KCNH7: variants seen among roughly 807,000 people sequenced by gnomAD.
KCNH7 encodes potassium voltage-gated channel subfamily H member 7.
In KCNH7, 49 loss-of-function variants were observed where a neutral mutation model predicts 120.8. The ratio of observed to expected loss-of-function variants is 0.41; its 90% CI spans 0.32 to 0.51. The LOEUF (loss-of-function observed/expected upper bound fraction) is 0.51. Ranked by LOEUF, KCNH7 falls within the 20% of genes least tolerant of loss-of-function variation. The pLI, the probability that KCNH7 is intolerant of heterozygous loss-of-function variation, is 0.38. For missense variants in KCNH7, 1,097 were observed against 1,446.6 expected (o/e 0.76, Z 3.92); for synonymous variants, 547 against 516.1 (o/e 1.06, Z -0.81).
chr2:162,572,610 C>T (rs538209601), intron 2 of KCNH7, among the ~76,000 whole-genome samples: 121 of 109,776 alleles, frequency 1.1e-3, no homozygotes, highest in Non-Finnish European at 1.5e-3. Context: ...ATGTTTATTG[C>T]GGCATTATTC....
intron 2 of KCNH7, among the ~76,000 whole-genome samples, chr2:162,622,576 T>C (rs368940999): frequency 2.0e-5 from 3 of 152,244 alleles, no homozygotes; most frequent in South Asian, 2.1e-4. Flanking sequence ...TTGTCCTTTA[T>C]TGGGGATGGG....
chr2:162,609,544 C>T (rs1351403347), intron 2 of KCNH7, among the ~76,000 whole-genome samples: 4 of 152,026 alleles, frequency 2.6e-5, no homozygotes, highest in Non-Finnish European at 4.4e-5. Context: ...TTTAGTCTAA[C>T]CTTTTTATTG....
intron 2 of KCNH7, among the ~76,000 whole-genome samples, chr2:162,714,386 AC>A (rs975893613): frequency 6.6e-6 from 1 of 152,162 alleles, no homozygotes; most frequent in Non-Finnish European, 1.5e-5. Flanking sequence ...AAATATTAAA[AC>A]AAAAGAGCCG....
At chr2:162,464,002 C>T (rs1034078070) in intron 6 of KCNH7, among the ~76,000 whole-genome samples, 2 of 151,810 alleles carry the variant, frequency 1.3e-5, no homozygotes, top group African/African-American at 4.8e-5. Context: ...AAGAGCTATC[C>T]CTAAATGTTG....
intron 5 of KCNH7, among the ~76,000 whole-genome samples, chr2:162,512,043 T>C (rs1691097294): frequency 6.6e-6 from 1 of 151,764 alleles, no homozygotes; most frequent in Non-Finnish European, 1.5e-5. Flanking sequence ...ATCCAGAGTA[T>C]TCCCAGTTAA....
chr2:162,772,348 C>A (rs1242917295), intron 2 of KCNH7, among the ~76,000 whole-genome samples: 1 of 152,160 alleles, frequency 6.6e-6, no homozygotes, highest in African/African-American at 2.4e-5. Context: ...CCTGTACCCT[C>A]TAAAATGTAT....
intron 2 of KCNH7, among the ~76,000 whole-genome samples, chr2:162,624,886 T>C (rs928267101): frequency 4.9e-5 from 7 of 142,238 alleles, no homozygotes; most frequent in African/African-American, 1.8e-4. Context: ...ACGTGCACTC[T>C]TGGTTTTTTT....
intron 2 of KCNH7, among the ~76,000 whole-genome samples, chr2:162,789,544 C>T (rs1683845973): frequency 6.6e-6 from 1 of 151,876 alleles, no homozygotes; most frequent in South Asian, 2.1e-4. Flanking sequence ...TCCATTCAAC[C>T]ACAGCGGAAT....
intron 3 of KCNH7, among the ~76,000 whole-genome samples, chr2:162,520,711 G>A (rs1691492744): frequency 6.6e-6 from 1 of 151,890 alleles, no homozygotes; most frequent in Admixed American, 6.6e-5. Flanking sequence ...TGAGGCTACA[G>A]TTAGCTATGA....
chr2:162,831,138 G>T (rs1685463223), intron 2 of KCNH7, among the ~76,000 whole-genome samples: 1 of 152,118 alleles, frequency 6.6e-6, no homozygotes, highest in African/African-American at 2.4e-5. Context: ...GTGCAATTTG[G>T]CAAATTATTC....
chr2:162,637,528 G>A (rs572694592), intron 2 of KCNH7, among the ~76,000 whole-genome samples: 13 of 152,036 alleles, frequency 8.6e-5, no homozygotes, highest in Non-Finnish European at 1.3e-4. Flanking sequence ...GAGCTGTATC[G>A]TACATCATGG....
intron 2 of KCNH7, among the ~76,000 whole-genome samples, chr2:162,692,398 T>C (rs1315724664): frequency 6.6e-6 from 1 of 152,068 alleles, no homozygotes; most frequent in Non-Finnish European, 1.5e-5. Flanking sequence ...ATACCAGACT[T>C]CTCTGAATAA....
intron 2 of KCNH7, among the ~76,000 whole-genome samples, chr2:162,591,251 T>G (rs117222779): frequency 6.6e-6 from 1 of 151,418 alleles, no homozygotes; most frequent in South Asian, 2.1e-4. Context: ...TCTTTTATTT[T>G]TCTTTATTTT....
chr2:162,740,480 G>C (rs1321238343), intron 2 of KCNH7, among the ~76,000 whole-genome samples: 1 of 152,178 alleles, frequency 6.6e-6, no homozygotes, highest in Non-Finnish European at 1.5e-5. Flanking sequence ...AGGCTGACCT[G>C]CCTCAAAGAC....
rs771218383 is a variant in KCNH7, at chr2:162,435,340, T to C, written c.1812A>G (p.Ser604=). 3.7e-6 allele frequency: 6 copies of C among 1,613,860 alleles called. No homozygotes were observed. In the Admixed American group the frequency reaches 1.0e-4, roughly 27 times the overall value. ...TGTCTTTAATGGATGGTCCAGAACT[T>C]GAGTCACTGTCATTGTAACGTTTCC... The part of the protein sequence containing the change: ...QIGKRYNDSD[S]SSGPSIKDKY... The change falls in exon 8 of 16, where the codon TCA becomes TCG. Residue 604 remains serine, a synonymous_variant. Coordinates refer to ENST00000332142, the MANE Select transcript of KCNH7 (RefSeq NM_033272.4).
At chr2:162,531,589 C>A (rs1296365245) in intron 3 of KCNH7, among the ~76,000 whole-genome samples, 1 of 151,912 alleles carries the variant, frequency 6.6e-6, no homozygotes, top group Non-Finnish European at 1.5e-5. Context: ...AAAATCAAAA[C>A]AGTCATCAAC....
intron 2 of KCNH7, among the ~76,000 whole-genome samples, chr2:162,601,575 G>T (rs2105952837): frequency 6.6e-6 from 1 of 151,604 alleles, no homozygotes; most frequent in Middle Eastern, 3.4e-3. Context: ...ATTTTGCTTG[G>T]ACTATCAATG....
intron 8 of KCNH7, among the ~76,000 whole-genome samples, chr2:162,426,040 C>A (rs1320824664): frequency 6.6e-6 from 1 of 151,682 alleles, no homozygotes; most frequent in Admixed American, 6.6e-5. Flanking sequence ...ATGGCAAAAC[C>A]CCATCTCTAC....
At chr2:162,701,577 T>G (rs58130892) in intron 2 of KCNH7, among the ~76,000 whole-genome samples, 13,638 of 152,140 alleles carry the variant, frequency 0.09, 1,892 homozygotes, top group African/African-American at 0.29. Context: ...TGGGGAGCAG[T>G]GGGGCATATA....
Sources: allele counts gnomAD v4.1 joint callset (sites outside exome capture counted in the v4.1 genomes callset), GRCh38; gene constraint gnomAD v4.1.1; transcripts MANE v1.5; gene names NCBI Gene and HGNC (gene_info 2026-07-23, HGNC 2026-07-21).